Variants in PAK1 observed in about 807,000 individuals in gnomAD.
PAK1 encodes the protein p21 (RAC1) activated kinase 1, also known as serine/threonine-protein kinase PAK 1.
A neutral mutation model predicts 67.4 loss-of-function variants in PAK1; 29 were observed. The observed-to-expected ratio is 0.43, with a 90% confidence interval of 0.32 to 0.59. The LOEUF (loss-of-function observed/expected upper bound fraction) is 0.59. PAK1 is among the 20% of genes least tolerant of loss of function. The pLI is 0.07. For missense variants in PAK1, 337 were observed against 670.7 expected (o/e 0.50, Z 5.50); for synonymous variants, 223 against 237.4 (o/e 0.94, Z 0.56).
intron 8 of PAK1, among the ~76,000 whole-genome samples, chr11:77,352,663 T>C (rs773945745): frequency 2.0e-5 from 3 of 152,204 alleles, no homozygotes; most frequent in Non-Finnish European, 2.9e-5. Flanking sequence ...CCATGTTAAG[T>C]GCCCTACATA....
At chr11:77,468,090 T>C (rs1253019352) in intron 1 of PAK1, among the ~76,000 whole-genome samples, 1 of 152,178 alleles carries the variant, frequency 6.6e-6, no homozygotes, top group Non-Finnish European at 1.5e-5. Context: ...TAGAAAATGC[T>C]CTTGCCAGCC....
chr11:77,394,067 T>C (rs1458407009), intron 1 of PAK1, among the ~76,000 whole-genome samples: 2 of 152,220 alleles, frequency 1.3e-5, no homozygotes, highest in Admixed American at 1.3e-4. Flanking sequence ...GAAAATGTTA[T>C]TATCTTAAAT....
intron 1 of PAK1, among the ~76,000 whole-genome samples, chr11:77,446,547 C>T (rs1291379622): frequency 2.0e-5 from 3 of 150,060 alleles, no homozygotes; most frequent in Non-Finnish European, 4.4e-5. Context: ...AAGTTCAGAC[C>T]CAAGGTCATA....
intron 14 of PAK1, among the ~76,000 whole-genome samples, chr11:77,332,369 GAA>G (rs1343239063): frequency 5.0e-3 from 3 of 606 alleles, no homozygotes; most frequent in Non-Finnish European, 0.017. Context: ...GAAGGGAAAG[GAA>G]GGGAAGGGAA....
At chr11:77,361,170 A>G (rs1176093154) in intron 5 of PAK1, among the ~76,000 whole-genome samples, 1 of 152,170 alleles carries the variant, frequency 6.6e-6, no homozygotes, top group African/African-American at 2.4e-5. Context: ...TGCTCCATAT[A>G]GGAGCAGAGA....
At chr11:77,521,465 G>T in the PAK1 span, among the ~76,000 whole-genome samples, 2 of 152,022 alleles carry the variant, frequency 1.3e-5, no homozygotes, top group South Asian at 2.1e-4. Flanking sequence ...GGAGGTGGAG[G>T]TTGCTGTGAG....
At chr11:77,423,852 G>A (rs1345737274) in intron 1 of PAK1, among the ~76,000 whole-genome samples, 3 of 152,112 alleles carry the variant, frequency 2.0e-5, no homozygotes, top group Non-Finnish European at 2.9e-5. Context: ...CAGGCAATGG[G>A]GCCAGATTTG....
chr11:77,366,275 A>G (rs1464142076), intron 5 of PAK1, among the ~76,000 whole-genome samples: 1 of 152,248 alleles, frequency 6.6e-6, no homozygotes, highest in African/African-American at 2.4e-5. Flanking sequence ...AATAATGGAG[A>G]GCAGAGGAAA....
intron 2 of PAK1, among the ~76,000 whole-genome samples, chr11:77,388,371 T>G (rs1162113338): frequency 6.6e-6 from 1 of 152,272 alleles, no homozygotes; most frequent in Non-Finnish European, 1.5e-5. Context: ...TTTTGTTTTT[T>G]GAGACGGAGT....
At chr11:77,373,356 T>C (rs1478554542) in intron 5 of PAK1, among the ~76,000 whole-genome samples, 1 of 151,698 alleles carries the variant, frequency 6.6e-6, no homozygotes, top group African/African-American at 2.4e-5. Flanking sequence ...GAGAACCACA[T>C]CTCTACCAAA....
At chr11:77,350,850 C>T (rs1426527270) in intron 8 of PAK1, among the ~76,000 whole-genome samples, 1 of 152,108 alleles carries the variant, frequency 6.6e-6, no homozygotes, top group East Asian at 1.9e-4. Flanking sequence ...CCTGATTATC[C>T]TGCCCCTAGC....
chr11:77,461,969 AGCTTAAAG>A (rs1164206729), intron 1 of PAK1, among the ~76,000 whole-genome samples: 2 of 152,198 alleles, frequency 1.3e-5, no homozygotes, highest in African/African-American at 4.8e-5. Context: ...GCAATTCCTC[AGCTTAAAG>A]GAAATGAAGA....
intron 11 of PAK1, 31 bp from the exon 12 acceptor site, chr11:77,337,454 G>T: frequency 8.7e-7 from 1 of 1,147,594 alleles, no homozygotes; most frequent in Non-Finnish European, 1.3e-6. Context: ...GGGGGAGAAA[G>T]AAAGGACATA....
chr11:77,525,225 T>C, the PAK1 span, among the ~76,000 whole-genome samples: 4 of 150,686 alleles, frequency 2.7e-5, no homozygotes, highest in African/African-American at 9.8e-5. Context: ...GGTGTGCACC[T>C]GTAGTCCCAG....
rs1241794771 is a variant in PAK1 at position 77,473,763 on chromosome 11, G to A, written c.-233C>T. On this transcript the variant is annotated 5_prime_UTR_variant, in exon 1 of 15. Coordinates refer to ENST00000356341, the MANE Select transcript of PAK1 (RefSeq NM_002576.5). ...GGGGGGCGGGAGGGAGCGAGGCGAC[G>A]CGGGCGGGGGGGGAAGGGGGGACTG... 2 of 150,232 alleles carry A rather than the reference G, an allele frequency of 1.3e-5. No homozygotes were observed. Among genetic ancestry groups the A allele is most frequent in the African/African-American group, 4.9e-5 (2 of 40,692 alleles). The allele number at this position is 150,232 out of a possible 1,614,324, so 9.3% of individuals were successfully genotyped here. A position where few individuals can be genotyped will look rare whatever the true frequency, so the allele number is the denominator to read the frequency against.
At chr11:77,381,097 G>T (rs933167241) in intron 2 of PAK1, among the ~76,000 whole-genome samples, 2 of 151,674 alleles carry the variant, frequency 1.3e-5, no homozygotes, top group Non-Finnish European at 2.9e-5. Flanking sequence ...AAAACAAAAA[G>T]GTCTAGAGTT....
At chr11:77,361,101 C>G (rs1946720610) in intron 5 of PAK1, among the ~76,000 whole-genome samples, 1 of 152,168 alleles carries the variant, frequency 6.6e-6, no homozygotes. Flanking sequence ...GATAAAGTCC[C>G]TGGTTCTATG....
At chr11:77,457,835 T>C (rs1592547207) in intron 1 of PAK1, among the ~76,000 whole-genome samples, 2 of 152,212 alleles carry the variant, frequency 1.3e-5, no homozygotes, top group Admixed American at 1.3e-4. Flanking sequence ...GTTTTCCTTT[T>C]GGTCTTAACA....
chr11:77,345,946 G>C (rs1303798333), intron 9 of PAK1, among the ~76,000 whole-genome samples: 1 of 152,136 alleles, frequency 6.6e-6, no homozygotes, highest in Non-Finnish European at 1.5e-5. Context: ...GGCTAACATG[G>C]AGGCTAGGGA....
Sources: allele counts gnomAD v4.1 joint callset (sites outside exome capture counted in the v4.1 genomes callset), GRCh38; gene constraint gnomAD v4.1.1; transcripts MANE v1.5; gene names NCBI Gene and HGNC (gene_info 2026-07-23, HGNC 2026-07-21).